SPINK9: variants seen among roughly 807,000 people sequenced by gnomAD.
SPINK9 encodes serine protease inhibitor Kazal-type 9.
Under a neutral mutation model 10.8 loss-of-function variants are expected in SPINK9, and 3 were observed. That is an observed-to-expected ratio of 0.28 (90% CI 0.13 to 0.72). The LOEUF (loss-of-function observed/expected upper bound fraction) is 0.72, where lower values mean the gene tolerates loss of function less well. SPINK9 is among the 30% of genes least tolerant of loss of function. SPINK9 has a pLI of 0.74. For synonymous variants in SPINK9, 30 were observed against 31.2 expected, an observed-to-expected ratio of 0.96 and a Z score of 0.12; for missense variants, 101 against 103.2, an observed-to-expected ratio of 0.98 and a Z score of 0.09.
At chr5:148,326,113 A>T (rs1181647211) in intron 2 of SPINK9, among the ~76,000 whole-genome samples, 1 of 152,216 alleles carries the variant, frequency 6.6e-6, no homozygotes, top group Non-Finnish European at 1.5e-5. Context: ...TTGAATGAAG[A>T]CATACAAATG....
rs35478563 is a variant in SPINK9, at chr5:148,325,189, T to TG, written c.118+1324dup. 2.0e-5 allele frequency among the ~76,000 whole-genome samples: 3 copies of TG among 152,082 alleles called. No homozygotes were observed. The East Asian group carries it at 5.8e-4, about 29-fold the overall frequency. ...AATCATTCATAAATTGATGGATAGT[T>TG]GGGTTGTTTCCAATTTGGGGTTTTA... On this transcript the variant is annotated intron_variant, in intron 2 of 4. Transcript: ENST00000511717.
At chr5:148,327,820 A>C (rs1757086387) in intron 2 of SPINK9, among the ~76,000 whole-genome samples, 2 of 152,102 alleles carry the variant, frequency 1.3e-5, no homozygotes, top group African/African-American at 4.8e-5. Flanking sequence ...AGTTGTAGAT[A>C]TGTGGCATTA....
At chr5:148,336,567 T>C (rs1234666484) in intron 2 of SPINK9, 114 bp downstream of exon 2, 5 of 1,170,730 alleles carry the variant, frequency 4.3e-6, no homozygotes, top group South Asian at 2.8e-5. Flanking sequence ...TTTATGTGTA[T>C]GAAAACTGGT....
At chr5:148,326,412 A>G (rs893397452) in intron 2 of SPINK9, among the ~76,000 whole-genome samples, 1 of 152,218 alleles carries the variant, frequency 6.6e-6, no homozygotes, top group African/African-American at 2.4e-5. Context: ...AAGAAACTGA[A>G]ACTGGTAGTC....
At chr5:148,328,526 C>A (rs1009145060) in intron 2 of SPINK9, among the ~76,000 whole-genome samples, 1 of 152,170 alleles carries the variant, frequency 6.6e-6, no homozygotes, top group Non-Finnish European at 1.5e-5. Flanking sequence ...CTGGCCAGAA[C>A]TTCCAACACT....
Position 148,323,845 on chromosome 5 carries a change from T to A in SPINK9, c.95T>A (p.Leu32Ter). ...AATGAACCCAGGAGACTCATGGGCT[T>A]AACGCAACCTGAACATTTACAAGGT... The change falls in exon 2 of 5, where the codon TTA becomes TAA. Residue 32 changes from leucine to a stop codon, truncating the protein, a stop_gained. Transcript: ENST00000511717. LOFTEE classifies it high-confidence loss of function. The A allele has an allele frequency of 1.4e-6, 1 of 701,148 alleles. No homozygotes were observed. The allele number at this position is 701,148 out of a possible 1,614,324, so 43.4% of individuals were successfully genotyped here. A position where few individuals can be genotyped will look rare whatever the true frequency, so the allele number is the denominator to read the frequency against.
At position 148,338,528 on chromosome 5, in the gene SPINK9, T is replaced by C; in HGVS notation, c.138T>C (p.Cys46=). Residue 46 remains cysteine (C), a synonymous_variant, in exon 3 of 4, where the codon TGT becomes TGC. Transcript: ENST00000377906. ...TACCACCAGGACAACAGAGATTTTG[T>C]CATCATATGTATGATCCAATTTGTG... is the stretch of plus-strand genomic sequence containing the variant. The part of the protein sequence containing the change: ...KKLPPGQQRF[C]HHMYDPICGS... The C allele has an allele frequency of 4.3e-6, 7 of 1,610,286 alleles. No individual in the cohort carries two copies. The highest frequency in any genetic ancestry group is 5.9e-6 in the Non-Finnish European group (7 of 1,178,096).
At chr5:148,334,267 A>C (rs1016719521), upstream of SPINK9, among the ~76,000 whole-genome samples, 5 of 152,106 alleles carry the variant, frequency 3.3e-5, no homozygotes, top group African/African-American at 1.2e-4. Context: ...GGGGATGATT[A>C]TGATTTAGTA....
intron 2 of SPINK9, among the ~76,000 whole-genome samples, chr5:148,329,391 T>G (rs1021018371): frequency 6.6e-6 from 1 of 152,150 alleles, no homozygotes; most frequent in Non-Finnish European, 1.5e-5. Context: ...TTGATTCTTC[T>G]CTCTTTTCTT....
At chr5:148,338,011 T>A (rs1757239063) in intron 2 of SPINK9, among the ~76,000 whole-genome samples, 2 of 152,150 alleles carry the variant, frequency 1.3e-5, no homozygotes, top group Admixed American at 1.3e-4. Flanking sequence ...CAATAATTAG[T>A]AGTAAAAATC....
intron 1 of SPINK9, among the ~76,000 whole-genome samples, chr5:148,321,888 G>C (rs1262500726): frequency 1.3e-5 from 2 of 152,152 alleles, no homozygotes; most frequent in African/African-American, 4.8e-5. Context: ...TCCTCACAAT[G>C]ACTGTATACT....
At chr5:148,330,126 T>A (rs906697557) in intron 2 of SPINK9, among the ~76,000 whole-genome samples, 1 of 152,182 alleles carries the variant, frequency 6.6e-6, no homozygotes, top group Non-Finnish European at 1.5e-5. Context: ...CCCATTATTA[T>A]TATGTGGGAG....
intron 3 of SPINK9, among the ~76,000 whole-genome samples, chr5:148,339,140 T>C (rs1757255731): frequency 6.6e-6 from 1 of 152,088 alleles, no homozygotes; most frequent in African/African-American, 2.4e-5. Context: ...GGTGCTATAG[T>C]AAAAATTACA....
At chr5:148,330,469 T>C (rs930041208) in intron 2 of SPINK9, among the ~76,000 whole-genome samples, 2 of 152,228 alleles carry the variant, frequency 1.3e-5, no homozygotes, top group Admixed American at 1.3e-4. Flanking sequence ...AATTTGCCAG[T>C]CTGTGTCTTT....
intron 2 of SPINK9, 147 bp downstream of exon 2, chr5:148,336,600 G>T: frequency 1.2e-6 from 1 of 865,728 alleles, no homozygotes; most frequent in Non-Finnish European, 1.8e-6. Flanking sequence ...ATTGTAGGCA[G>T]ATCTTTCTAA....
intron 2 of SPINK9, among the ~76,000 whole-genome samples, chr5:148,336,693 G>A (rs1757221829): frequency 6.6e-6 from 1 of 152,186 alleles, no homozygotes; most frequent in African/African-American, 2.4e-5. Context: ...TTTTGATCAC[G>A]TGGCCATGGG....
intron 3 of SPINK9, among the ~76,000 whole-genome samples, chr5:148,338,806 G>A (rs1157202384): frequency 6.6e-6 from 1 of 152,028 alleles, no homozygotes; most frequent in Non-Finnish European, 1.5e-5. Context: ...GTGAATCAGA[G>A]AATTCTAAAA....
Position 148,339,711 on chromosome 5 carries a change from A to C in SPINK9, c.260A>C (p.Ter87SerextTer41), listed in dbSNP as rs371752601. Residue 87 changes from the stop codon to serine (S), a stop_lost, in exon 4 of 4, where the codon TAA becomes TCA. Transcript: ENST00000377906. ...AAATTTGTACATTTTGGAAAATGTT[A>C]AATCTATCTTGTGAGTCCAAAATAT... is the stretch of plus-strand genomic sequence containing the variant. ...TLKFVHFGKC* is the reference protein window; with the variant it reads ...TLKFVHFGKCS The C allele has an allele frequency of 1.0e-4, 168 of 1,611,396 alleles. No individual in the cohort carries two copies. Among genetic ancestry groups the C allele is most frequent in the Non-Finnish European group, 1.4e-4 (162 of 1,178,160 alleles).
chr5:148,325,526 C>T (rs1005373839), intron 2 of SPINK9, among the ~76,000 whole-genome samples: 1 of 151,984 alleles, frequency 6.6e-6, no homozygotes, highest in African/African-American at 2.4e-5. Flanking sequence ...ATGGTGTTAG[C>T]GGTCTTTTCA....
Sources: gnomAD v4.1 joint callset for allele counts (sites outside exome capture counted in the v4.1 genomes callset) on GRCh38, gnomAD v4.1.1 for gene constraint, MANE v1.5 for transcripts, NCBI Gene and HGNC (gene_info 2026-07-23, HGNC 2026-07-21) for gene names.